The following ELOVL7 variants were observed in gnomAD, a reference collection of about 807,000 sequenced individuals.
ELOVL7 encodes the protein ELOVL fatty acid elongase 7.
In ELOVL7, 27 loss-of-function variants were observed where a neutral mutation model predicts 35.7. That is an observed-to-expected ratio of 0.76 (90% CI 0.56 to 1.04). ELOVL7 has a LOEUF of 1.04. Among genes scored for constraint, ELOVL7 ranks in the 50% least tolerant of loss-of-function variants. ELOVL7 has a pLI of 0.00. For synonymous variants in ELOVL7, 113 were observed against 114.6 expected, an observed-to-expected ratio of 0.99 and a Z score of 0.09; for missense variants, 327 against 340.8, an observed-to-expected ratio of 0.96 and a Z score of 0.32.
At chr5:60,800,266 T>A (rs956282361) in intron 1 of ELOVL7, among the ~76,000 whole-genome samples, 3 of 152,040 alleles carry the variant, frequency 2.0e-5, no homozygotes, top group African/African-American at 4.8e-5. Context: ...CAGTAGCACA[T>A]AAAAAGGATC....
At chr5:60,819,846 A>AATT (rs1745785092) in intron 1 of ELOVL7, among the ~76,000 whole-genome samples, 1 of 152,142 alleles carries the variant, frequency 6.6e-6, no homozygotes, top group Admixed American at 6.5e-5. Flanking sequence ...CTTGGTGGAT[A>AATT]ATTACTATTG....
chr5:60,804,147 A>G (rs574638824), intron 1 of ELOVL7, among the ~76,000 whole-genome samples: 2 of 152,314 alleles, frequency 1.3e-5, no homozygotes, highest in African/African-American at 4.8e-5. Flanking sequence ...CTAGAAGCCA[A>G]TGATATAGCA....
chr5:60,771,792 T>A (rs1742605484), intron 4 of ELOVL7, 111 bp downstream of exon 4: 2 of 794,094 alleles, frequency 2.5e-6, no homozygotes, highest in Non-Finnish European at 3.9e-6. Context: ...GTGAGATCAG[T>A]TTCTTAATTC....
chr5:60,780,542 G>T (rs1743185098), intron 3 of ELOVL7, among the ~76,000 whole-genome samples: 2 of 152,130 alleles, frequency 1.3e-5, no homozygotes, highest in East Asian at 3.8e-4. Context: ...CCCATTCTGA[G>T]ATACCAATTT....
chr5:60,768,796 A>C, intron 4 of ELOVL7: 1 of 401,338 alleles, frequency 2.5e-6, no homozygotes, highest in South Asian at 1.7e-5. Context: ...CATACATGCC[A>C]AATACCCCCT....
chr5:60,779,421 T>A (rs1337382453), intron 3 of ELOVL7, among the ~76,000 whole-genome samples: 1 of 152,184 alleles, frequency 6.6e-6, no homozygotes, highest in Non-Finnish European at 1.5e-5. Context: ...GAAATCTAGG[T>A]AGAGGTTCCC....
intron 3 of ELOVL7, among the ~76,000 whole-genome samples, chr5:60,777,248 T>G (rs1300003095): frequency 6.6e-6 from 1 of 152,022 alleles, no homozygotes; most frequent in East Asian, 1.9e-4. Context: ...GGATTATTTG[T>G]AACCCAAAGG....
At chr5:60,779,266 C>T (rs923214375) in intron 3 of ELOVL7, among the ~76,000 whole-genome samples, 1 of 152,218 alleles carries the variant, frequency 6.6e-6, no homozygotes, top group Non-Finnish European at 1.5e-5. Context: ...CACAGCTCCA[C>T]TAGGCACTGC....
rs532365912 is a variant in ELOVL7 at position 60,837,808 on chromosome 5, G to T, written c.-86+6352C>A. On this transcript the variant is annotated intron_variant, in intron 1 of 8. Coordinates refer to ENST00000508821, the MANE Select transcript of ELOVL7 (RefSeq NM_024930.3). ...AAATACAAAATTAGCCAGGCATGATGGTGCATGCCTGTAATCCCAGCTACT... is the reference window on the plus strand; with the variant it reads ...AAATACAAAATTAGCCAGGCATGATTGTGCATGCCTGTAATCCCAGCTACT... Among the ~76,000 whole-genome samples the T allele has an allele frequency of 8.5e-5, 13 of 152,236 alleles. No individual in the cohort carries two copies. In the South Asian group the frequency reaches 2.7e-3, roughly 32 times the overall value.
intron 1 of ELOVL7, among the ~76,000 whole-genome samples, chr5:60,806,764 A>T (rs1473104701): frequency 1.3e-5 from 2 of 152,104 alleles, no homozygotes; most frequent in Non-Finnish European, 1.5e-5. Flanking sequence ...GTTCACAGGG[A>T]GGCAGCCCCT....
At chr5:60,793,421 A>G (rs1224597493) in intron 2 of ELOVL7, among the ~76,000 whole-genome samples, 1 of 152,156 alleles carries the variant, frequency 6.6e-6, no homozygotes, top group Non-Finnish European at 1.5e-5. Context: ...CAGGCACCAA[A>G]TATCAGGATG....
In ELOVL7 at chr5:60,753,524, A is replaced by C. The variant is rs1465690822; in HGVS notation, c.*1100T>G. 3.9e-5 allele frequency: 6 copies of C among 152,182 alleles called. No individual in the cohort carries two copies. The highest frequency in any genetic ancestry group is 1.5e-5 in the Non-Finnish European group (1 of 68,030). The allele number at this position is 152,182 out of a possible 1,614,324, so 9.4% of individuals were successfully genotyped here. A position where few individuals can be genotyped will look rare whatever the true frequency, so the allele number is the denominator to read the frequency against. ...AGTCTGTCTGTCTCTCTCTCAAAGT[A>C]GAACAGCCCTTGCTTACATAATCAA... On this transcript the variant is annotated 3_prime_UTR_variant, in exon 9 of 9. Coordinates refer to ENST00000508821, the MANE Select transcript of ELOVL7 (RefSeq NM_024930.3).
intron 1 of ELOVL7, among the ~76,000 whole-genome samples, chr5:60,818,311 C>A (rs1745651279): frequency 9.1e-6 from 1 of 110,194 alleles, no homozygotes; most frequent in Non-Finnish European, 1.7e-5. Context: ...GAGTGAGGTT[C>A]CATCTCAGAA....
chr5:60,839,030 AT>A lies in ELOVL7; in HGVS notation c.-86+5129del, dbSNP rs1189229482. ...AAGAACAAAACAGTGTCAAAAAAAA[AT>A]ATATATATATATATATTTATGATGG... is the stretch of plus-strand genomic sequence containing the variant. On this transcript the variant is annotated intron_variant, in intron 1 of 8. Transcript: ENST00000508821. Among the ~76,000 whole-genome samples, 200 of 138,986 alleles carry A rather than the reference AT, an allele frequency of 1.4e-3. 1 individual carries two copies. Among genetic ancestry groups the A allele is most frequent in the African/African-American group, 5.0e-3 (188 of 37,634 alleles). The allele number at this position is 138,986 out of a possible 152,430, so 91.2% of individuals were successfully genotyped here.
chr5:60,792,882 C>A (rs994854870), intron 2 of ELOVL7, among the ~76,000 whole-genome samples: 12 of 152,260 alleles, frequency 7.9e-5, no homozygotes, highest in Non-Finnish European at 1.6e-4. Flanking sequence ...CACAAGAGAA[C>A]TGGATAGAGA....
At chr5:60,823,795 C>T (rs1746019055) in intron 1 of ELOVL7, among the ~76,000 whole-genome samples, 1 of 152,302 alleles carries the variant, frequency 6.6e-6, no homozygotes, top group African/African-American at 2.4e-5. Flanking sequence ...TGGGTCCTGC[C>T]TCCAAATTTC....
intron 1 of ELOVL7, among the ~76,000 whole-genome samples, chr5:60,807,770 C>A (rs913442039): frequency 4.4e-4 from 67 of 151,754 alleles, no homozygotes; most frequent in African/African-American, 1.6e-3. Flanking sequence ...GAGGCCGAGG[C>A]AGGTGGATCA....
At chr5:60,783,948 C>A in intron 3 of ELOVL7, 2 of 558,414 alleles carry the variant, frequency 3.6e-6, no homozygotes, top group Non-Finnish European at 6.7e-6. Flanking sequence ...TGAGTAGAGC[C>A]ATGATAGAAG....
In ELOVL7 at chr5:60,779,172, A is replaced by T. The variant is rs557987771; in HGVS notation, c.65-7079T>A. The stretch of plus-strand genomic sequence containing the variant: ...CTGCTGCTTTCACTGGCTGGAACTG[A>T]CTGTCTGTGGCTTCTCCAGGTGCAC... On this transcript the variant is annotated intron_variant, in intron 3 of 8. Coordinates refer to ENST00000508821, the MANE Select transcript of ELOVL7 (RefSeq NM_024930.3). Among the ~76,000 whole-genome samples, 11 of 152,004 alleles carry T rather than the reference A, an allele frequency of 7.2e-5. No individual in the cohort carries two copies. In the East Asian group the frequency reaches 2.1e-3, roughly 29 times the overall value.
Sources: gnomAD v4.1 joint callset for allele counts (sites outside exome capture counted in the v4.1 genomes callset) on GRCh38, gnomAD v4.1.1 for gene constraint, MANE v1.5 for transcripts, NCBI Gene and HGNC (gene_info 2026-07-23, HGNC 2026-07-21) for gene names.